The following PDSS1 variants were observed in gnomAD, a reference collection of about 807,000 sequenced individuals.
PDSS1 encodes all trans-polyprenyl-diphosphate synthase PDSS1.
PDSS1 carries 43 observed loss-of-function variants against 57.5 expected under a neutral mutation model. The observed-to-expected ratio is 0.75, with a 90% CI of 0.59 to 0.96. The LOEUF is 0.96. Among genes scored for constraint, PDSS1 ranks in the 50% least tolerant of loss-of-function variants. The probability of loss-of-function intolerance (pLI) is 0.00; values close to 1 mark genes in which losing one functional copy is unlikely to be tolerated. For synonymous variants in PDSS1, 175 were observed against 191.3 expected (o/e 0.91, Z 0.70); for missense variants, 438 against 527.8 (o/e 0.83, Z 1.67).
intron 5 of PDSS1, among the ~76,000 whole-genome samples, chr10:26,716,707 A>T (rs540151003): frequency 3.3e-5 from 5 of 152,096 alleles, no homozygotes; most frequent in African/African-American, 9.7e-5. Flanking sequence ...AAAAAAGATA[A>T]TTTTTTAAAT....
At chr10:26,728,024 G>C (rs1048548299) in intron 8 of PDSS1, among the ~76,000 whole-genome samples, 9 of 152,156 alleles carry the variant, frequency 5.9e-5, no homozygotes, top group Non-Finnish European at 1.0e-4. Context: ...TGTCTTGTCT[G>C]TCCCATTACT....
rs147591996 is a variant in PDSS1, at chr10:26,733,048, G to A, written c.832-2192G>A. On this transcript the variant is annotated intron_variant, in intron 8 of 11. Coordinates refer to ENST00000376215, the MANE Select transcript of PDSS1 (RefSeq NM_014317.5). ...GATTACAGTGAGCCCAGATCGTGCCGCTGCACTCTAGCCTGGGTGACAGAG... is the reference window on the plus strand; with the variant it reads ...GATTACAGTGAGCCCAGATCGTGCCACTGCACTCTAGCCTGGGTGACAGAG... 5.0e-3 allele frequency among the ~76,000 whole-genome samples: 767 copies of A among 152,188 alleles called. 7 individuals are homozygous for A. The highest frequency in any genetic ancestry group is 0.017 in the African/African-American group (720 of 41,512).
chr10:26,702,275 T>G, intron 2 of PDSS1, 81 bp downstream of exon 2: 1 of 382,928 alleles, frequency 2.6e-6, no homozygotes, highest in South Asian at 2.0e-5. Flanking sequence ...GAATGATTGG[T>G]TTTGAAAAAT....
Position 26,746,787 on chromosome 10 carries a change from T to G in PDSS1, c.*314T>G. The G allele has an allele frequency of 2.4e-6, 1 of 408,948 alleles. No homozygotes were observed. The highest frequency in any genetic ancestry group is 4.4e-5 in the East Asian group (1 of 22,862). The allele number at this position is 408,948 out of a possible 1,614,324, so 25.3% of individuals were successfully genotyped here. A position where few individuals can be genotyped will look rare whatever the true frequency, so the allele number is the denominator to read the frequency against. ...CCATTACACAAATAAATAACCAATG[T>G]TAAAATTCAAATGGTTTGTCTTGAT... is the stretch of plus-strand genomic sequence containing the variant. On this transcript the variant is annotated 3_prime_UTR_variant, in exon 12 of 12. Transcript: ENST00000376215.
intron 8 of PDSS1, among the ~76,000 whole-genome samples, chr10:26,727,287 T>G (rs1279727654): frequency 6.6e-6 from 1 of 151,662 alleles, no homozygotes; most frequent in Admixed American, 6.6e-5. Context: ...AGTTGAGACT[T>G]GAACCCAGAG....
chr10:26,709,825 G>C, intron 5 of PDSS1, 57 bp downstream of exon 5: 1 of 1,551,804 alleles, frequency 6.4e-7, no homozygotes, highest in South Asian at 1.1e-5. Context: ...CTTTCTTCCC[G>C]GGGTTACTTA....
At chr10:26,722,576 C>T (rs1234627600) in intron 6 of PDSS1, among the ~76,000 whole-genome samples, 3 of 151,790 alleles carry the variant, frequency 2.0e-5, no homozygotes, top group Non-Finnish European at 4.4e-5. Context: ...TGGTGGTGTA[C>T]GCTTGTAGTC....
At chr10:26,707,688 C>T (rs1835283672) in intron 4 of PDSS1, among the ~76,000 whole-genome samples, 1 of 152,152 alleles carries the variant, frequency 6.6e-6, no homozygotes, top group Admixed American at 6.5e-5. Flanking sequence ...CTCTCTCTTC[C>T]TTATATATCT....
At chr10:26,698,312 A>C (rs1834939235) in intron 1 of PDSS1, among the ~76,000 whole-genome samples, 1 of 152,030 alleles carries the variant, frequency 6.6e-6, no homozygotes, top group Admixed American at 6.5e-5. Context: ...ATAGTCCGAA[A>C]AGGTCTTGTG....
chr10:26,740,204 G>T (rs1836544194), intron 10 of PDSS1, among the ~76,000 whole-genome samples: 1 of 152,014 alleles, frequency 6.6e-6, no homozygotes, highest in African/African-American at 2.4e-5. Flanking sequence ...AGCTACTCGG[G>T]AGGCTGAGGC....
At chr10:26,709,193 G>A (rs953610809) in intron 4 of PDSS1, among the ~76,000 whole-genome samples, 2 of 152,216 alleles carry the variant, frequency 1.3e-5, no homozygotes, top group Admixed American at 6.5e-5. Context: ...GCCCTGCAGC[G>A]TGGGAGCCTT....
At chr10:26,718,596 A>T (rs1004907804) in intron 5 of PDSS1, 3 of 152,104 alleles carry the variant, frequency 2.0e-5, no homozygotes, top group Non-Finnish European at 2.9e-5. Context: ...CCCCATCTCT[A>T]CTAAAAATAC....
chr10:26,728,225 C>T (rs911207333), intron 8 of PDSS1, among the ~76,000 whole-genome samples: 11 of 152,078 alleles, frequency 7.2e-5, no homozygotes, highest in African/African-American at 2.7e-4. Flanking sequence ...GGCATGGTGG[C>T]GGGCACCTGT....
chr10:26,723,834 C>A lies in PDSS1; in HGVS notation c.638C>A (p.Ser213Tyr). ...GTTCTTGCTGGAGATTTAATTCTTTCTGCAGCATCTATAGCTCTGGCACGA... is the reference window on the plus strand; with the variant it reads ...GTTCTTGCTGGAGATTTAATTCTTTATGCAGCATCTATAGCTCTGGCACGA... Reference protein sequence around the residue: ...KAVLAGDLILSAASIALARIG... With the variant: ...KAVLAGDLILYAASIALARIG... Residue 213 changes from serine to tyrosine, a missense_variant, in exon 7 of 12, where the codon TCT becomes TAT. Transcript: ENST00000376215. The A allele has an allele frequency of 6.2e-7, 1 of 1,612,788 alleles. No individual in the cohort carries two copies. Among genetic ancestry groups the A allele is most frequent in the Non-Finnish European group, 8.5e-7 (1 of 1,178,762 alleles).
At chr10:26,715,406 C>CTTTTTTT (rs58076852) in intron 5 of PDSS1, 3 of 140,326 alleles carry the variant, frequency 2.1e-5, no homozygotes, top group African/African-American at 2.6e-5. Flanking sequence ...AACTCCTATA[C>CTTTTTTT]TTTTTTTTTT....
At chr10:26,727,035 C>G (rs1381257875) in intron 8 of PDSS1, among the ~76,000 whole-genome samples, 1 of 148,936 alleles carries the variant, frequency 6.7e-6, no homozygotes, top group Non-Finnish European at 1.5e-5. Flanking sequence ...GCATTCCAGC[C>G]TGGGCAATAG....
chr10:26,722,703 C>CAA (rs1275596672), intron 6 of PDSS1, among the ~76,000 whole-genome samples: 2 of 103,246 alleles, frequency 1.9e-5, no homozygotes, highest in Admixed American at 1.0e-4. Flanking sequence ...GACTCTTTCT[C>CAA]AAAAAAAAAA....
intron 1 of PDSS1, 152 bp downstream of exon 1, chr10:26,697,992 C>T: frequency 1.6e-6 from 1 of 644,664 alleles, no homozygotes; most frequent in Non-Finnish European, 2.1e-6. Flanking sequence ...GACTCCGGAG[C>T]TGAGGGGTGC....
intron 1 of PDSS1, among the ~76,000 whole-genome samples, chr10:26,700,135 G>A (rs1835000004): frequency 2.0e-5 from 3 of 151,944 alleles, no homozygotes; most frequent in Non-Finnish European, 1.5e-5. Flanking sequence ...GCATGTGATC[G>A]TGCCAAATCA....
Sources: gnomAD v4.1 joint callset for allele counts (sites outside exome capture counted in the v4.1 genomes callset) on GRCh38, gnomAD v4.1.1 for gene constraint, MANE v1.5 for transcripts, NCBI Gene and HGNC (gene_info 2026-07-23, HGNC 2026-07-21) for gene names.